Variants in KAZN observed in about 807,000 individuals in gnomAD.
KAZN encodes the protein kazrin, periplakin interacting protein.
A neutral mutation model predicts 87.4 loss-of-function variants in KAZN; 40 were observed. The observed-to-expected ratio is 0.46, with a 90% CI of 0.36 to 0.60. The LOEUF is 0.60. Ranked by LOEUF, KAZN falls within the 20% of genes least tolerant of loss-of-function variation. The pLI is 0.00. For missense variants in KAZN, 898 were observed against 1,073.9 expected, an observed-to-expected ratio of 0.84 and a Z score of 2.29; for synonymous variants, 466 against 458.3, an observed-to-expected ratio of 1.02 and a Z score of -0.22.
intron 8 of KAZN, among the ~76,000 whole-genome samples, chr1:15,084,336 G>T (rs373048294): frequency 2.8e-3 from 431 of 152,338 alleles, no homozygotes; most frequent in African/African-American, 1.0e-2. Context: ...TGGGTGGACA[G>T]TGCACACAGC....
chr1:14,575,938 A>G (rs74833079), intron 2 of KAZN, among the ~76,000 whole-genome samples: 1 of 152,266 alleles, frequency 6.6e-6, no homozygotes, highest in African/African-American at 2.4e-5. Context: ...ATAAAAATGC[A>G]TCCCCTTAGG....
At chr1:13,895,098 A>C (rs1320477495) in intron 1 of KAZN, among the ~76,000 whole-genome samples, 1 of 152,176 alleles carries the variant, frequency 6.6e-6, no homozygotes, top group African/African-American at 2.4e-5. Flanking sequence ...ACATCCTTCT[A>C]TGGGTCAGTC....
chr1:14,309,321 C>T (rs1655130799), intron 2 of KAZN, among the ~76,000 whole-genome samples: 1 of 152,156 alleles, frequency 6.6e-6, no homozygotes, highest in South Asian at 2.1e-4. Flanking sequence ...TTTATATTTA[C>T]TAGGTATAAG....
At position 14,995,254 on chromosome 1, in the gene KAZN, A is replaced by C. The variant is rs146264278; in HGVS notation, c.418+34379A>C. Among the ~76,000 whole-genome samples the C allele has an allele frequency of 6.6e-5, 10 of 152,306 alleles. No individual in the cohort carries two copies. In the East Asian group the frequency reaches 1.9e-3, roughly 29 times the overall value. On this transcript the variant is annotated intron_variant, in intron 2 of 14. Coordinates refer to ENST00000376030, the MANE Select transcript of KAZN (RefSeq NM_201628.3). Reference sequence around the variant, plus strand: ...TGTGAACTCACGTGACTTTTCATGGAGTTCCCTGCCAAGCCTGGCCTGGCA... The same window carrying C: ...TGTGAACTCACGTGACTTTTCATGGCGTTCCCTGCCAAGCCTGGCCTGGCA...
chr1:14,930,715 T>G (rs12141413), intron 1 of KAZN, among the ~76,000 whole-genome samples: 35,048 of 152,184 alleles, frequency 0.23, 6,427 homozygotes, highest in African/African-American at 0.49. Context: ...CCCTTCCTCC[T>G]GCAGTTTCCT....
intron 2 of KAZN, among the ~76,000 whole-genome samples, chr1:14,337,615 G>T (rs931792189): frequency 3.3e-5 from 5 of 152,186 alleles, no homozygotes; most frequent in Non-Finnish European, 5.9e-5. Context: ...AGCCTCCTTG[G>T]CTGGGTGCGG....
At chr1:14,626,259 A>G (rs1302627175) in intron 1 of KAZN, among the ~76,000 whole-genome samples, 1 of 152,248 alleles carries the variant, frequency 6.6e-6, no homozygotes, top group Admixed American at 6.5e-5. Flanking sequence ...ATTGAAATTC[A>G]TGAGTTTAGA....
At chr1:14,740,851 A>C (rs1389767423) in intron 1 of KAZN, among the ~76,000 whole-genome samples, 1 of 152,104 alleles carries the variant, frequency 6.6e-6, no homozygotes, top group Non-Finnish European at 1.5e-5. Flanking sequence ...GATTCCAATT[A>C]CTAACTGTAG....
Position 15,094,203 on chromosome 1 carries a change from A to G in KAZN, c.1246A>G (p.Thr416Ala). 1 of 1,613,530 alleles carries G rather than the reference A, an allele frequency of 6.2e-7. No individual in the cohort carries two copies. Among genetic ancestry groups the G allele is most frequent in the Non-Finnish European group, 8.5e-7 (1 of 1,179,860 alleles). ...FDDSDSQCSP[T>A]RQSLSLSEGE... ...AGACTCGGACAGCCAGTGCAGCCCCACGCGGCAGAGCCTCAGCCTGTCGGA... is the reference window on the plus strand; with the variant it reads ...AGACTCGGACAGCCAGTGCAGCCCCGCGCGGCAGAGCCTCAGCCTGTCGGA... Residue 416 changes from threonine to alanine, a missense_variant, in exon 9 of 15, where the codon ACG (threonine) becomes GCG (alanine). Coordinates refer to ENST00000376030, the MANE Select transcript of KAZN (RefSeq NM_201628.3). The surrounding 1 kb of genome is among the most constrained non-coding windows in gnomAD (Gnocchi z 4.5).
At chr1:14,007,382 C>T (rs1265843537) in intron 1 of KAZN, among the ~76,000 whole-genome samples, 1 of 152,102 alleles carries the variant, frequency 6.6e-6, no homozygotes, top group Non-Finnish European at 1.5e-5. Context: ...TATGTTGAAT[C>T]AAAGTGGTGA....
intron 5 of KAZN, among the ~76,000 whole-genome samples, chr1:15,058,263 C>A (rs918284171): frequency 2.0e-5 from 3 of 152,204 alleles, no homozygotes; most frequent in Admixed American, 2.0e-4. Flanking sequence ...ACATAACAAA[C>A]CTGGCTCAGA....
intron 4 of KAZN, among the ~76,000 whole-genome samples, chr1:15,050,613 G>T (rs1255324320): frequency 6.6e-6 from 1 of 152,174 alleles, no homozygotes; most frequent in East Asian, 1.9e-4. Flanking sequence ...AACGAAAGCA[G>T]TCTGCCCCAA....
At chr1:13,948,298 A>G (rs1641219309) in intron 1 of KAZN, among the ~76,000 whole-genome samples, 1 of 152,178 alleles carries the variant, frequency 6.6e-6, no homozygotes, top group African/African-American at 2.4e-5. Context: ...GACCAGGTGG[A>G]GATAATTGAA....
At chr1:14,294,092 G>A (rs952654227) in intron 2 of KAZN, among the ~76,000 whole-genome samples, 19 of 152,148 alleles carry the variant, frequency 1.2e-4, no homozygotes, top group Non-Finnish European at 2.6e-4. Flanking sequence ...GATAACCAAA[G>A]CTCAGAGAGA....
intron 1 of KAZN, among the ~76,000 whole-genome samples, chr1:14,925,681 G>A (rs1043033562): frequency 6.6e-6 from 1 of 152,102 alleles, no homozygotes; most frequent in Non-Finnish European, 1.5e-5. Flanking sequence ...GAGCACACGG[G>A]CTTATTTTCC....
intron 1 of KAZN, among the ~76,000 whole-genome samples, chr1:14,857,837 GTTCATATA>G (rs1650310937): frequency 1.9e-5 from 1 of 54,020 alleles, no homozygotes; most frequent in Non-Finnish European, 3.7e-5. Context: ...TTGAGATATA[GTTCATATA>G]CCATACAATT....
chr1:14,309,025 G>A (rs1423007330), intron 2 of KAZN, among the ~76,000 whole-genome samples: 1 of 152,156 alleles, frequency 6.6e-6, no homozygotes, highest in Non-Finnish European at 1.5e-5. Context: ...CAAAATGTGT[G>A]GAGTCTCATT....
At chr1:14,425,852 A>G (rs1665692315) in intron 2 of KAZN, among the ~76,000 whole-genome samples, 1 of 152,116 alleles carries the variant, frequency 6.6e-6, no homozygotes, top group Non-Finnish European at 1.5e-5. Flanking sequence ...GGGGGTGGAA[A>G]TGAGATTTGA....
chr1:14,585,447 T>C (rs1487868674), intron 2 of KAZN, among the ~76,000 whole-genome samples: 1 of 152,202 alleles, frequency 6.6e-6, no homozygotes, highest in Non-Finnish European at 1.5e-5. Context: ...GTTTGCTCCA[T>C]ATGTCTGCAT....
Sources: allele counts gnomAD v4.1 joint callset (sites outside exome capture counted in the v4.1 genomes callset), GRCh38; gene constraint gnomAD v4.1.1; non-coding constraint Gnocchi (gnomAD v3.1); transcripts MANE v1.5; gene names NCBI Gene and HGNC (gene_info 2026-07-23, HGNC 2026-07-21).